The following SHROOM3 variants were observed in gnomAD, a reference collection of about 807,000 sequenced individuals.
SHROOM3 encodes the protein shroom family member 3.
Under a neutral mutation model 138.6 loss-of-function variants are expected in SHROOM3, and 47 were observed. That is an observed-to-expected ratio of 0.34 (90% CI 0.27 to 0.43). The LOEUF (loss-of-function observed/expected upper bound fraction) is 0.43, where lower values mean the gene tolerates loss of function less well. SHROOM3 is among the 20% of genes least tolerant of loss of function. SHROOM3 has a pLI of 1.00. For missense variants in SHROOM3, 2,491 were observed against 2,596.5 expected (o/e 0.96, Z 0.88); for synonymous variants, 1,062 against 1,063.3 (o/e 1.00, Z 0.02).
chr4:76,779,264 A>T lies in SHROOM3; in HGVS notation c.*87A>T. The T allele has an allele frequency of 1.3e-6, 2 of 1,483,614 alleles. No homozygotes were observed. The highest frequency in any genetic ancestry group is 1.8e-6 in the Non-Finnish European group (2 of 1,111,572). The allele number at this position is 1,483,614 out of a possible 1,614,324, so 91.9% of individuals were successfully genotyped here. A position where few individuals can be genotyped will look rare whatever the true frequency, so the allele number is the denominator to read the frequency against. On this transcript the variant is annotated 3_prime_UTR_variant, in exon 11 of 11. Transcript: ENST00000296043. ...ATGTTTCAGTACAAACCACTGTTTG[A>T]ACTATCTGGGTTATTGGTGTTTGTT...
Position 76,756,741 on chromosome 4 carries a change from A to G in SHROOM3, c.5002A>G (p.Thr1668Ala). Residue 1668 changes from threonine to alanine, a missense_variant, in exon 8 of 11, where the codon ACA becomes GCA. Physicochemically the swap from Thr to Ala is moderately conservative, Grantham distance 58 (BLOSUM62 0). Coordinates refer to ENST00000296043, the MANE Select transcript of SHROOM3 (RefSeq NM_020859.4). ...TCAGAAGAGTTCAGAAGACATCAGA[A>G]CAGAGGCTTTGGCCAAGGAAATTGT... The part of the protein sequence containing the change: ...DPQKSSEDIR[T>A]EALAKEIVHQ... 1 of 1,614,182 alleles carries G rather than the reference A, an allele frequency of 6.2e-7. No individual in the cohort carries two copies. Among genetic ancestry groups the G allele is most frequent in the Non-Finnish European group, 8.5e-7 (1 of 1,180,026 alleles).
intron 1 of SHROOM3, among the ~76,000 whole-genome samples, chr4:76,538,807 A>T (rs1733037931): frequency 1.3e-5 from 2 of 152,138 alleles, no homozygotes; most frequent in African/African-American, 2.4e-5. Flanking sequence ...CTGGCTTTTG[A>T]TGGCCAGAAT....
intron 1 of SHROOM3, among the ~76,000 whole-genome samples, chr4:76,468,758 G>A (rs900331910): frequency 5.9e-5 from 9 of 152,174 alleles, no homozygotes; most frequent in South Asian, 2.1e-4. Flanking sequence ...GGCCTGGCGC[G>A]GTAGCTCACA....
chr4:76,649,201 T>A (rs7686697), intron 2 of SHROOM3, among the ~76,000 whole-genome samples: 47,438 of 151,878 alleles, frequency 0.31, 7,538 homozygotes, highest in East Asian at 0.42. Context: ...TTAGAATGTG[T>A]GATATGGTTT....
intron 2 of SHROOM3, among the ~76,000 whole-genome samples, chr4:76,701,055 G>A (rs1162295916): frequency 6.6e-6 from 1 of 152,200 alleles, no homozygotes; most frequent in Non-Finnish European, 1.5e-5. Context: ...AAAGTGCTGG[G>A]ATTAGAGGCG....
At chr4:76,501,789 GGTATACC>G (rs1373528479) in intron 1 of SHROOM3, among the ~76,000 whole-genome samples, 2 of 152,114 alleles carry the variant, frequency 1.3e-5, no homozygotes, top group African/African-American at 2.4e-5. Context: ...CCAGCAGGGT[GGTATACC>G]CCAACTTCAT....
At chr4:76,699,231 C>T (rs1198967425) in intron 2 of SHROOM3, among the ~76,000 whole-genome samples, 1 of 152,238 alleles carries the variant, frequency 6.6e-6, no homozygotes, top group Non-Finnish European at 1.5e-5. Flanking sequence ...GCCTCCCCAA[C>T]AAGACTGGAG....
In SHROOM3 at chr4:76,660,706, C is replaced by T. The variant is rs565010255; in HGVS notation, c.324-49450C>T. Among the ~76,000 whole-genome samples the T allele has an allele frequency of 3.3e-3, 509 of 152,260 alleles. 3 individuals are homozygous for T. Among genetic ancestry groups the T allele is most frequent in the African/African-American group, 0.011 (466 of 41,560 alleles). On this transcript the variant is annotated intron_variant, in intron 2 of 10. Transcript: ENST00000296043. ...GGTCAGGCTGGTCTCAAACTCCTGA[C>T]CTCAGGTAATCCACCTGCCTCAGCC...
chr4:76,446,759 C>T (rs1033773255), intron 1 of SHROOM3, among the ~76,000 whole-genome samples: 9 of 152,168 alleles, frequency 5.9e-5, no homozygotes, highest in Non-Finnish European at 1.0e-4. Context: ...TGATGAGCCC[C>T]GGTTATGAGC....
chr4:76,737,001 A>G (rs1371370735), intron 4 of SHROOM3, among the ~76,000 whole-genome samples: 2 of 152,252 alleles, frequency 1.3e-5, no homozygotes, highest in African/African-American at 4.8e-5. Context: ...GGACAAATGT[A>G]TAATGACATG....
chr4:76,780,947 A>G lies in SHROOM3; in HGVS notation c.*1770A>G, dbSNP rs1489565651. 6.6e-6 allele frequency: 1 copy of G among 152,164 alleles called. No homozygotes were observed. Among genetic ancestry groups the G allele is most frequent in the East Asian group, 1.9e-4 (1 of 5,196 alleles). The allele number at this position is 152,164 out of a possible 1,614,324, so 9.4% of individuals were successfully genotyped here. A position where few individuals can be genotyped will look rare whatever the true frequency, so the allele number is the denominator to read the frequency against. ...CAGTAACTACCTGTGTGTCTTGCTG[A>G]TACTGAATGAGCCCTCACAAGCCAA... On this transcript the variant is annotated 3_prime_UTR_variant, in exon 11 of 11. Coordinates refer to ENST00000296043, the MANE Select transcript of SHROOM3 (RefSeq NM_020859.4).
At chr4:76,767,587 G>C (rs1200435232) in intron 9 of SHROOM3, among the ~76,000 whole-genome samples, 1 of 152,144 alleles carries the variant, frequency 6.6e-6, no homozygotes, top group African/African-American at 2.4e-5. Context: ...TGAGGCAGGA[G>C]AATCACTTGA....
intron 2 of SHROOM3, among the ~76,000 whole-genome samples, chr4:76,595,188 C>A (rs556832463): frequency 6.6e-6 from 1 of 152,316 alleles, no homozygotes. Context: ...TGGAACACTG[C>A]CTGACACGTA....
intron 2 of SHROOM3, among the ~76,000 whole-genome samples, chr4:76,622,842 C>T (rs1293623775): frequency 1.3e-5 from 2 of 152,024 alleles, no homozygotes; most frequent in African/African-American, 4.8e-5. Context: ...CTTTGAGAGT[C>T]GGGAGGGAGG....
intron 2 of SHROOM3, among the ~76,000 whole-genome samples, chr4:76,610,432 A>C (rs528763744): frequency 5.8e-4 from 89 of 152,302 alleles, no homozygotes; most frequent in African/African-American, 2.1e-3. Context: ...TGGTTTGAAG[A>C]TTATATTGAA....
intron 1 of SHROOM3, among the ~76,000 whole-genome samples, chr4:76,477,820 G>A (rs1444042401): frequency 6.6e-6 from 1 of 152,180 alleles, no homozygotes. Flanking sequence ...TGCAGCCCAT[G>A]GAGGGTGAGC....
chr4:76,616,202 G>C (rs1734872022), intron 2 of SHROOM3, among the ~76,000 whole-genome samples: 1 of 152,180 alleles, frequency 6.6e-6, no homozygotes, highest in African/African-American at 2.4e-5. Context: ...CGAAGTTCCT[G>C]TTCTCATTTA....
At chr4:76,747,804 C>T (rs1721490627) in intron 5 of SHROOM3, among the ~76,000 whole-genome samples, 1 of 152,058 alleles carries the variant, frequency 6.6e-6, no homozygotes, top group Non-Finnish European at 1.5e-5. Flanking sequence ...TTTCTCAAGC[C>T]ATTCAAGTCT....
chr4:76,741,903 C>T lies in SHROOM3; in HGVS notation c.3730C>T (p.Pro1244Ser), dbSNP rs1295275967. 3 of 1,612,288 alleles carry T rather than the reference C, an allele frequency of 1.9e-6. No individual in the cohort carries two copies. The African/African-American group carries it at 4.0e-5, about 22-fold the overall frequency. Residue 1244 changes from proline to serine, a missense_variant, in exon 5 of 11, where the codon CCC becomes TCC. Physicochemically the swap from Pro to Ser is moderately conservative, Grantham distance 74. Around this residue, in one of 4 missense-constraint regions of SHROOM3, gnomAD observed 1,733 missense variants for 1,661.6 expected, o/e 1.04. Coordinates refer to ENST00000296043, the MANE Select transcript of SHROOM3 (RefSeq NM_020859.4). This position sits in a 1 kb window ranked among gnomAD's most constrained non-coding sequence, Gnocchi z 6.2. ...TGTCCATGTGAGGTCCAGGTCATCTCCCGCCACCGCAGACAAGCGCCAGGT... is the reference window on the plus strand; with the variant it reads ...TGTCCATGTGAGGTCCAGGTCATCTTCCGCCACCGCAGACAAGCGCCAGGT... ...GPVHVRSRSS[P>S]ATADKRQDVL...
Sources: allele counts gnomAD v4.1 joint callset (sites outside exome capture counted in the v4.1 genomes callset), GRCh38; gene constraint gnomAD v4.1.1; regional missense constraint gnomAD v4.1.1; non-coding constraint Gnocchi (gnomAD v3.1); transcripts MANE v1.5; gene names NCBI Gene and HGNC (gene_info 2026-07-23, HGNC 2026-07-21).